Variants in IGSF3 observed in about 807,000 individuals in gnomAD.
IGSF3 encodes the protein immunoglobulin superfamily member 3, also known as glu-Trp-Ile EWI motif-containing protein 3.
Under a neutral mutation model 114.4 loss-of-function variants are expected in IGSF3, and 23 were observed. The ratio of observed to expected loss-of-function variants is 0.20; its 90% CI spans 0.14 to 0.28. The LOEUF (loss-of-function observed/expected upper bound fraction) is 0.28, where lower values mean the gene tolerates loss of function less well. IGSF3 is among the 10% of genes least tolerant of loss of function. IGSF3 has a pLI of 1.00. For synonymous variants in IGSF3, 571 were observed against 645.2 expected (o/e 0.88, Z 1.74); for missense variants, 1,172 against 1,591.5 (o/e 0.74, Z 4.48).
chr1:116,613,727 C>T (rs773068259), intron 4 of IGSF3, 38 bp downstream of exon 4: 43 of 1,575,204 alleles, frequency 2.7e-5, no homozygotes, highest in Non-Finnish European at 3.7e-5. Flanking sequence ...CCTTCACCAC[C>T]AAGTAAAGGA....
In IGSF3 at chr1:116,624,223, CTCTTG is replaced by C; in HGVS notation, c.44-7771_44-7767del. On this transcript the variant is annotated intron_variant, in intron 2 of 10. Coordinates refer to ENST00000369486, the MANE Select transcript of IGSF3 (RefSeq NM_001007237.3). The surrounding 1 kb of genome is among the most constrained non-coding windows in gnomAD (Gnocchi z 4.9). ...TGTCTCAAAAAAAAAAAAAAAATGG[CTCTTG>C]AAACAGCCATCAATTCCCATGTGAT... Among the ~76,000 whole-genome samples the C allele has an allele frequency of 6.6e-6, 1 of 151,678 alleles. No individual in the cohort carries two copies. The highest frequency in any genetic ancestry group is 2.1e-4 in the South Asian group (1 of 4,806).
At chr1:116,620,893 AC>A (rs1409605734) in intron 2 of IGSF3, among the ~76,000 whole-genome samples, 1 of 152,088 alleles carries the variant, frequency 6.6e-6, no homozygotes, top group Admixed American at 6.5e-5. Flanking sequence ...AGCACACACC[AC>A]CATGCCTGGC....
chr1:116,579,597 G>C lies in IGSF3; in HGVS notation c.3129C>G (p.Gly1043=), dbSNP rs1275426379. 6.2e-7 allele frequency: 1 copy of C among 1,614,120 alleles called. No homozygotes were observed. Among genetic ancestry groups the C allele is most frequent in the Admixed American group, 1.7e-5 (1 of 60,024 alleles). Residue 1043 remains glycine, a synonymous_variant, in exon 10 of 11, where the codon GGC becomes GGG. Transcript: ENST00000369486. This position sits in a 1 kb window ranked among gnomAD's most constrained non-coding sequence, Gnocchi z 6.4. ...TGCCCTCCCAAGGACTGCCCTCTGG[G>C]CCAAAGACAGCATCTGGGCCCACGC... ...LLSVGPDAVF[G]PEGSPWEGRL...
chr1:116,589,503 C>T lies in IGSF3; in HGVS notation c.2030-399G>A, dbSNP rs1321317782. 6.6e-6 allele frequency among the ~76,000 whole-genome samples: 1 copy of T among 152,114 alleles called. No homozygotes were observed. Among genetic ancestry groups the T allele is most frequent in the East Asian group, 1.9e-4 (1 of 5,180 alleles). The stretch of plus-strand genomic sequence containing the variant: ...AAGTCCCTTCAGGATCTGGCCTTCA[C>T]CCAAGTGTCCTGACTCATCTCTCAC... On this transcript the variant is annotated intron_variant, in intron 7 of 10. Coordinates refer to ENST00000369486, the MANE Select transcript of IGSF3 (RefSeq NM_001007237.3). This position sits in a 1 kb window ranked among gnomAD's most constrained non-coding sequence, Gnocchi z 5.7.
In IGSF3 at chr1:116,577,214, C is replaced by A; in HGVS notation, c.*98G>T. On this transcript the variant is annotated 3_prime_UTR_variant, in exon 11 of 11. Coordinates refer to ENST00000369486, the MANE Select transcript of IGSF3 (RefSeq NM_001007237.3). This position sits in a 1 kb window ranked among gnomAD's most constrained non-coding sequence, Gnocchi z 5.7. ...TTCAAGTCTGACAACTTTCCACACA[C>A]ATGCACCCCAGAGTTTGGGTGCTGT... 1.5e-6 allele frequency: 2 copies of A among 1,351,022 alleles called. No individual in the cohort carries two copies. The highest frequency in any genetic ancestry group is 1.4e-5 in the South Asian group (1 of 72,040). The allele number at this position is 1,351,022 out of a possible 1,614,324, so 83.7% of individuals were successfully genotyped here.
chr1:116,660,867 A>G (rs1029167896), intron 2 of IGSF3, among the ~76,000 whole-genome samples: 8 of 152,252 alleles, frequency 5.3e-5, no homozygotes, highest in African/African-American at 1.9e-4. Context: ...TCAAATTCAG[A>G]TTCTGCCAAA....
intron 8 of IGSF3, among the ~76,000 whole-genome samples, chr1:116,586,561 T>C (rs1245360167): frequency 6.6e-6 from 1 of 152,194 alleles, no homozygotes; most frequent in Non-Finnish European, 1.5e-5. Flanking sequence ...TTTACGGTGT[T>C]AAAGTTCACT....
Position 116,593,941 on chromosome 1 carries a change from T to G in IGSF3, c.2030-4837A>C, listed in dbSNP as rs1167204283. On this transcript the variant is annotated intron_variant, in intron 7 of 10. Transcript: ENST00000369486. This position sits in a 1 kb window ranked among gnomAD's most constrained non-coding sequence, Gnocchi z 4.5. Reference sequence around the variant, plus strand: ...CAACAAAACTCTGCCTCGTGTCCTGTGTGACTTTCGAATGACATTCATATG... The same window carrying G: ...CAACAAAACTCTGCCTCGTGTCCTGGGTGACTTTCGAATGACATTCATATG... Among the ~76,000 whole-genome samples, 1 of 152,242 alleles carries G rather than the reference T, an allele frequency of 6.6e-6. No homozygotes were observed. Among genetic ancestry groups the G allele is most frequent in the Non-Finnish European group, 1.5e-5 (1 of 68,052 alleles).
In IGSF3 at chr1:116,651,142, A is replaced by G. The variant is rs1035887589; in HGVS notation, c.43+15142T>C. ...ACTGAGCACATCACAGACTCACACA[A>G]ATCTGTGGAATGAGTGCATGATCTC... On this transcript the variant is annotated intron_variant, in intron 2 of 10. Coordinates refer to ENST00000369486, the MANE Select transcript of IGSF3 (RefSeq NM_001007237.3). The surrounding 1 kb of genome is among the most constrained non-coding windows in gnomAD (Gnocchi z 4.4). Among the ~76,000 whole-genome samples the G allele has an allele frequency of 6.6e-6, 1 of 152,220 alleles. No individual in the cohort carries two copies. The highest frequency in any genetic ancestry group is 2.4e-5 in the African/African-American group (1 of 41,472).
chr1:116,644,498 T>C lies in IGSF3; in HGVS notation c.43+21786A>G, dbSNP rs1036748948. Among the ~76,000 whole-genome samples, 6 of 152,314 alleles carry C rather than the reference T, an allele frequency of 3.9e-5. No homozygotes were observed. The highest frequency in any genetic ancestry group is 2.6e-4 in the Admixed American group (4 of 15,306). ...AGGTTCATTTGGGACAGGACACCTC[T>C]AACTCCATCTCTGGCCAGGAGCCAG... On this transcript the variant is annotated intron_variant, in intron 2 of 10. Transcript: ENST00000369486. The surrounding 1 kb of genome is among the most constrained non-coding windows in gnomAD (Gnocchi z 5.6).
intron 2 of IGSF3, among the ~76,000 whole-genome samples, chr1:116,637,560 T>C (rs181554163): frequency 2.6e-5 from 4 of 152,170 alleles, no homozygotes; most frequent in African/African-American, 9.7e-5. Context: ...TGGACAAGGA[T>C]GAAGCAAGCA....
At chr1:116,653,399 T>C (rs529383929) in intron 2 of IGSF3, among the ~76,000 whole-genome samples, 1 of 152,302 alleles carries the variant, frequency 6.6e-6, no homozygotes, top group South Asian at 2.1e-4. Flanking sequence ...ACCACAGTCC[T>C]CAAGGCTCTC....
At chr1:116,666,232 A>C in intron 2 of IGSF3, 52 bp downstream of exon 2, 1 of 1,527,676 alleles carries the variant, frequency 6.5e-7, no homozygotes, top group Admixed American at 1.7e-5. Context: ...TACAGGAACC[A>C]AGAGCAGGTT....
chr1:116,652,709 C>T (rs2101072428), intron 2 of IGSF3, among the ~76,000 whole-genome samples: 1 of 152,288 alleles, frequency 6.6e-6, no homozygotes, highest in African/African-American at 2.4e-5. Flanking sequence ...ATTTTAGATC[C>T]TTATCTTTTG....
chr1:116,646,985 G>A (rs1226455243), intron 2 of IGSF3: 2 of 152,382 alleles, frequency 1.3e-5, no homozygotes, highest in Non-Finnish European at 2.9e-5. Context: ...AGCGCTGCTT[G>A]CTGAAAGCAC....
chr1:116,589,398 A>G lies in IGSF3; in HGVS notation c.2030-294T>C, dbSNP rs1410137526. 2.0e-5 allele frequency among the ~76,000 whole-genome samples: 3 copies of G among 152,014 alleles called. No homozygotes were observed. Among genetic ancestry groups the G allele is most frequent in the South Asian group, 2.1e-4 (1 of 4,828 alleles). On this transcript the variant is annotated intron_variant, in intron 7 of 10. Coordinates refer to ENST00000369486, the MANE Select transcript of IGSF3 (RefSeq NM_001007237.3). This position sits in a 1 kb window ranked among gnomAD's most constrained non-coding sequence, Gnocchi z 5.7. ...ATCCTGCTGAAATACAAATCTAGCT[A>G]TATCAGGTCTCTGCTTGAAAAGTTT...
At chr1:116,609,655 G>C (rs1221620720) in intron 4 of IGSF3, among the ~76,000 whole-genome samples, 1 of 152,054 alleles carries the variant, frequency 6.6e-6, no homozygotes, top group Admixed American at 6.5e-5. Context: ...AAAATCCCAT[G>C]GCAGAGACGT....
rs1344732586 is a variant in IGSF3, at chr1:116,666,813, C to A, written c.-487G>T. The stretch of plus-strand genomic sequence containing the variant: ...GCCAAATCACCCTGCCTGGCATCAA[C>A]CGTTTGGGTTTCTTCACCAAAAAGT... On this transcript the variant is annotated 5_prime_UTR_variant, in exon 2 of 11. Transcript: ENST00000369486. The A allele has an allele frequency of 2.5e-6, 1 of 396,210 alleles. No individual in the cohort carries two copies. The highest frequency in any genetic ancestry group is 4.3e-6 in the Non-Finnish European group (1 of 232,136). The allele number at this position is 396,210 out of a possible 1,614,324, so 24.5% of individuals were successfully genotyped here. A position where few individuals can be genotyped will look rare whatever the true frequency, so the allele number is the denominator to read the frequency against.
rs1648471411 is a variant in IGSF3 at position 116,647,981 on chromosome 1, G to A, written c.43+18303C>T. Reference sequence around the variant, plus strand: ...TAGCTGGGTGTGATGGCACACGCCTGTAATCCTAGTTACTCGGGAGGCTGA... The same window carrying A: ...TAGCTGGGTGTGATGGCACACGCCTATAATCCTAGTTACTCGGGAGGCTGA... On this transcript the variant is annotated intron_variant, in intron 2 of 10. Transcript: ENST00000369486. The surrounding 1 kb of genome is among the most constrained non-coding windows in gnomAD (Gnocchi z 4.6). Among the ~76,000 whole-genome samples, 1 of 152,224 alleles carries A rather than the reference G, an allele frequency of 6.6e-6. No homozygotes were observed. Among genetic ancestry groups the A allele is most frequent in the African/African-American group, 2.4e-5 (1 of 41,460 alleles).
Sources: gnomAD v4.1 joint callset for allele counts (sites outside exome capture counted in the v4.1 genomes callset) on GRCh38, gnomAD v4.1.1 for gene constraint, Gnocchi (gnomAD v3.1) non-coding constraint, MANE v1.5 for transcripts, NCBI Gene and HGNC (gene_info 2026-07-23, HGNC 2026-07-21) for gene names.